The following NLE1 variants were observed in gnomAD, a reference collection of about 807,000 sequenced individuals.
The protein encoded by NLE1 is notchless homolog 1, also known as notchless protein homolog 1.
NLE1 carries 37 observed loss-of-function variants against 62.8 expected under a neutral mutation model. That is an observed-to-expected ratio of 0.59 (90% confidence interval 0.45 to 0.78). The LOEUF is 0.78. NLE1 is among the 30% of genes least tolerant of loss of function. The probability of loss-of-function intolerance (pLI) is 0.00; values close to 1 mark genes in which losing one functional copy is unlikely to be tolerated. For synonymous variants in NLE1, 243 were observed against 253.0 expected (o/e 0.96, Z 0.37); for missense variants, 555 against 637.9 (o/e 0.87, Z 1.40).
At position 35,133,183 on chromosome 17, in the gene NLE1, T is replaced by C. The variant is rs898736397; in HGVS notation, c.1433A>G (p.Lys478Arg). The C allele has an allele frequency of 1.4e-5, 22 of 1,614,034 alleles. No individual in the cohort carries two copies. Among genetic ancestry groups the C allele is most frequent in the East Asian group, 4.5e-5 (2 of 44,892 alleles). Residue 478 changes from lysine (K) to arginine (R), a missense_variant, in exon 12 of 13, where the codon AAA becomes AGA. Physicochemically the swap from Lys to Arg is conservative, Grantham distance 26 (BLOSUM62 2). Coordinates refer to ENST00000442241, the MANE Select transcript of NLE1 (RefSeq NM_018096.5). ...GQRVASGGKD[K>R]CLRIWRR Reference sequence around the variant, plus strand: ...CCCCCACACTCACATCCGGAGGCATTTGTCCTTCCCACCACTTGCCACTCT... The same window carrying C: ...CCCCCACACTCACATCCGGAGGCATCTGTCCTTCCCACCACTTGCCACTCT...
chr17:35,133,532 C>T, intron 10 of NLE1, 34 bp from the exon 11 acceptor site: 1 of 1,580,008 alleles, frequency 6.3e-7, no homozygotes, highest in Non-Finnish European at 8.6e-7. Flanking sequence ...GGATTTTAGT[C>T]TGAGTTACAT....
Position 35,129,689 on chromosome 17 carries a change from G to A in NLE1, c.*2748C>T, listed in dbSNP as rs1364705498. Reference sequence around the variant, plus strand: ...CCCTGGGAAAAGAGGGGCCTTGGGGGTGGAGAGAAGTCCAAAGCCAGGGAA... The same window carrying A: ...CCCTGGGAAAAGAGGGGCCTTGGGGATGGAGAGAAGTCCAAAGCCAGGGAA... On this transcript the variant is annotated 3_prime_UTR_variant, in exon 13 of 13. Coordinates refer to ENST00000442241, the MANE Select transcript of NLE1 (RefSeq NM_018096.5). The A allele has an allele frequency of 1.9e-6, 3 of 1,604,048 alleles. No individual in the cohort carries two copies. Among genetic ancestry groups the A allele is most frequent in the Non-Finnish European group, 2.6e-6 (3 of 1,175,802 alleles).
At chr17:35,135,661 CATG>C (rs2091904041) in intron 9 of NLE1, among the ~76,000 whole-genome samples, 1 of 152,086 alleles carries the variant, frequency 6.6e-6, no homozygotes, top group Non-Finnish European at 1.5e-5. Flanking sequence ...ACTCTACATG[CATG>C]TAGAAAAAAA....
rs146040275 is a variant in NLE1, at chr17:35,139,954, T to C, written c.275A>G (p.Tyr92Cys). 4.5e-5 allele frequency: 72 copies of C among 1,613,554 alleles called. No homozygotes were observed. Among genetic ancestry groups the C allele is most frequent in the Non-Finnish European group, 5.8e-5 (69 of 1,180,008 alleles). ...GACTCTGAAGATAGCCTGTGGCTGGTAGATGATGTCTAGGACCTTCTCTGT... is the reference window on the plus strand; with the variant it reads ...GACTCTGAAGATAGCCTGTGGCTGGCAGATGATGTCTAGGACCTTCTCTGT... ...VETEKVLDII[Y>C]QPQAIFRVRA... is the part of the protein sequence containing the mutation. Residue 92 changes from tyrosine to cysteine, a missense_variant, in exon 3 of 13, where the codon TAC becomes TGC. By Grantham distance (194) the Tyr-to-Cys change is radical. Coordinates refer to ENST00000442241, the MANE Select transcript of NLE1 (RefSeq NM_018096.5).
Position 35,129,321 on chromosome 17 carries a change from C to G in NLE1, c.*3116G>C. ...TGACCTGCCTGGGCCCCAGCAGGAGCAGGGGATGGGCATGGGACGTCCTGA... is the reference window on the plus strand; with the variant it reads ...TGACCTGCCTGGGCCCCAGCAGGAGGAGGGGATGGGCATGGGACGTCCTGA... On this transcript the variant is annotated 3_prime_UTR_variant, in exon 13 of 13. Coordinates refer to ENST00000442241, the MANE Select transcript of NLE1 (RefSeq NM_018096.5). 1.4e-6 allele frequency: 2 copies of G among 1,461,782 alleles called. No homozygotes were observed. Among genetic ancestry groups the G allele is most frequent in the Non-Finnish European group, 1.9e-6 (2 of 1,073,444 alleles). 90.6% of individuals were successfully genotyped at this position (1,461,782 alleles called of 1,614,324 possible). A position where few individuals can be genotyped will look rare whatever the true frequency, so the allele number is the denominator to read the frequency against.
intron 8 of NLE1, 48 bp downstream of exon 8, chr17:35,136,314 T>C: frequency 6.2e-7 from 1 of 1,608,470 alleles, no homozygotes; most frequent in Non-Finnish European, 8.5e-7. Context: ...GCTTGAGAAC[T>C]GGCTCCTTCC....
chr17:35,132,441 C>A lies in NLE1; in HGVS notation c.1454G>T (p.Arg485Ile). ...CAGAGAGAACTTCGGGCCGTCTCAT[C>A]TCCTCCATCTGTGGAGAAGGGAAGG... Reference protein sequence around the residue: ...GKDKCLRIWRR With the variant: ...GKDKCLRIWRI The change falls in exon 13 of 13, where the codon AGA (arginine) becomes ATA (isoleucine). Residue 485 changes from arginine (R) to isoleucine (I), a missense_variant. Physicochemically the swap from Arg to Ile is moderately conservative, Grantham distance 97 (BLOSUM62 -3). Transcript: ENST00000442241. 7.0e-7 allele frequency: 1 copy of A among 1,424,088 alleles called. No individual in the cohort carries two copies. The highest frequency in any genetic ancestry group is 2.9e-5 in the Admixed American group (1 of 34,144). 88.2% of individuals were successfully genotyped at this position (1,424,088 alleles called of 1,614,324 possible).
chr17:35,130,696 C>A lies in NLE1; in HGVS notation c.*1741G>T. 2 of 460,594 alleles carry A rather than the reference C, an allele frequency of 4.3e-6. 1 individual carries two copies. Among genetic ancestry groups the A allele is most frequent in the South Asian group, 6.1e-5 (2 of 32,916 alleles). The allele number at this position is 460,594 out of a possible 1,614,324, so 28.5% of individuals were successfully genotyped here. A position where few individuals can be genotyped will look rare whatever the true frequency, so the allele number is the denominator to read the frequency against. On this transcript the variant is annotated 3_prime_UTR_variant, in exon 13 of 13. Coordinates refer to ENST00000442241, the MANE Select transcript of NLE1 (RefSeq NM_018096.5). ...CTCCTCCTCCAAATCTGGGCTGGGT[C>A]TAGGTCCCTCATTAAAGAACTGCAG...
chr17:35,133,776 C>T (rs770768897), intron 10 of NLE1, among the ~76,000 whole-genome samples: 5 of 152,140 alleles, frequency 3.3e-5, no homozygotes, highest in African/African-American at 4.8e-5. Flanking sequence ...TAGACTCCAA[C>T]GTGGCCATCT....
intron 10 of NLE1, among the ~76,000 whole-genome samples, chr17:35,134,060 C>A (rs913493173): frequency 2.6e-5 from 4 of 152,216 alleles, no homozygotes; most frequent in Non-Finnish European, 5.9e-5. Context: ...TTTTTCTCCC[C>A]CTTGCCTGTG....
rs1597890012 is a variant in NLE1, at chr17:35,135,237, A to C, written c.1214+12T>G. The C allele has an allele frequency of 6.2e-7, 1 of 1,613,480 alleles. No homozygotes were observed. The highest frequency in any genetic ancestry group is 2.2e-5 in the East Asian group (1 of 44,872). On this transcript the variant is annotated intron_variant, in intron 10 of 12. Coordinates refer to ENST00000442241, the MANE Select transcript of NLE1 (RefSeq NM_018096.5). ...CACTCCTTACAGAGAAGCAGTACCC[A>C]CCCCTACTCACTTGCCCGTCCTGCC...
At chr17:35,133,002 T>C (rs2091886106) in intron 12 of NLE1, among the ~76,000 whole-genome samples, 169 bp downstream of exon 12, 2 of 151,688 alleles carry the variant, frequency 1.3e-5, no homozygotes, top group Non-Finnish European at 2.9e-5. Flanking sequence ...CCCTCCCACT[T>C]GTGGCCCTCC....
In NLE1 at chr17:35,128,749, T is replaced by G. The variant is rs926143565; in HGVS notation, c.*3688A>C. 1 of 153,886 alleles carries G rather than the reference T, an allele frequency of 6.5e-6. No homozygotes were observed. Among genetic ancestry groups the G allele is most frequent in the Non-Finnish European group, 1.4e-5 (1 of 69,288 alleles). 9.5% of individuals were successfully genotyped at this position (153,886 alleles called of 1,614,324 possible). ...GGATGGTTTCAGGATGAGTCAAGCA[T>G]ATTACATTTATTGTGTACTTTATTT... On this transcript the variant is annotated 3_prime_UTR_variant, in exon 13 of 13. Transcript: ENST00000442241.
chr17:35,133,566 C>T (rs979269349), intron 10 of NLE1, 68 bp from the exon 11 acceptor site: 11 of 1,451,558 alleles, frequency 7.6e-6, no homozygotes, highest in Non-Finnish European at 1.0e-5. Flanking sequence ...TGAAGGGTCC[C>T]CTACGCTCAT....
Position 35,135,526 on chromosome 17 carries a change from G to A in NLE1, c.1012-75C>T, listed in dbSNP as rs1283425327. ...GAGGAGGGCCCGACTTTGGCAGCAA[G>A]CATACACCCTGATTACTCAATGCCA... On this transcript the variant is annotated intron_variant, in intron 9 of 12. Transcript: ENST00000442241. 3.8e-6 allele frequency: 5 copies of A among 1,316,044 alleles called. No individual in the cohort carries two copies. The East Asian group carries it at 7.1e-5, about 19-fold the overall frequency. 81.5% of individuals were successfully genotyped at this position (1,316,044 alleles called of 1,614,324 possible).
intron 2 of NLE1, among the ~76,000 whole-genome samples, 192 bp downstream of exon 2, chr17:35,141,787 G>A (rs1364929712): frequency 1.3e-5 from 2 of 152,304 alleles, no homozygotes; most frequent in East Asian, 3.9e-4. Flanking sequence ...CTCTCCGCAG[G>A]TGGACCCCTT....
chr17:35,130,226 A>C lies in NLE1; in HGVS notation c.*2211T>G, dbSNP rs1281615383. On this transcript the variant is annotated 3_prime_UTR_variant, in exon 13 of 13. Coordinates refer to ENST00000442241, the MANE Select transcript of NLE1 (RefSeq NM_018096.5). ...AAAAAGGGGTGATAGAGACAGAGAG[A>C]GAGCCAGGTTCAGATCTGGGAAGGA... The C allele has an allele frequency of 1.8e-5, 29 of 1,586,554 alleles. No individual in the cohort carries two copies. Among genetic ancestry groups the C allele is most frequent in the Admixed American group, 1.1e-4 (6 of 55,972 alleles).
rs1489197279 is a variant in NLE1, at chr17:35,137,079, G to A, written c.750C>T (p.Thr250=). 6.2e-7 allele frequency: 1 copy of A among 1,614,092 alleles called. No individual in the cohort carries two copies. Among genetic ancestry groups the A allele is most frequent in the Non-Finnish European group, 8.5e-7 (1 of 1,180,002 alleles). ...RILTGHTQSV[T]CLRWGGDGLL... ...GCCCGTCCCCTCCCCACCGGAGACA[G>A]GTGACCGACTGGGTGTGCCCGGTGA... Residue 250 remains threonine (T), a synonymous_variant, in exon 7 of 13, where the codon ACC becomes ACT. Transcript: ENST00000442241.
At chr17:35,134,494 A>G (rs2091897066) in intron 10 of NLE1, among the ~76,000 whole-genome samples, 1 of 151,970 alleles carries the variant, frequency 6.6e-6, no homozygotes, top group Non-Finnish European at 1.5e-5. Flanking sequence ...TTGCCTCCCA[A>G]GTTCAAATGA....
Sources: gnomAD v4.1 joint callset for allele counts (sites outside exome capture counted in the v4.1 genomes callset) on GRCh38, gnomAD v4.1.1 for gene constraint, MANE v1.5 for transcripts, NCBI Gene and HGNC (gene_info 2026-07-23, HGNC 2026-07-21) for gene names.